Variants in PLPPR1 observed in about 807,000 individuals in gnomAD.
PLPPR1 encodes phospholipid phosphatase-related protein type 1.
PLPPR1 carries 10 observed loss-of-function variants against 33.1 expected under a neutral mutation model. The observed-to-expected ratio is 0.30, with a 90% CI of 0.19 to 0.51. The LOEUF (loss-of-function observed/expected upper bound fraction) is 0.51, where lower values mean the gene tolerates loss of function less well. Among genes scored for constraint, PLPPR1 ranks in the 20% least tolerant of loss-of-function variants. The probability of loss-of-function intolerance (pLI) is 0.97; values close to 1 mark genes in which losing one functional copy is unlikely to be tolerated. For missense variants in PLPPR1, 304 were observed against 408.1 expected (o/e 0.74, Z 2.20); for synonymous variants, 151 against 151.0 (o/e 1.00, Z 0.00).
chr9:101,119,881 C>A (rs755912878), intron 1 of PLPPR1, among the ~76,000 whole-genome samples: 3 of 152,200 alleles, frequency 2.0e-5, no homozygotes, highest in Non-Finnish European at 4.4e-5. Context: ...TCTGTCTCAT[C>A]TGTGGTTTCA....
intron 2 of PLPPR1, among the ~76,000 whole-genome samples, chr9:101,222,555 A>G (rs1826967522): frequency 6.6e-6 from 1 of 152,172 alleles, no homozygotes; most frequent in African/African-American, 2.4e-5. Context: ...GTTCTATGTA[A>G]GATTGTGTCT....
At chr9:101,292,464 A>G (rs1275329127) in intron 4 of PLPPR1, among the ~76,000 whole-genome samples, 1 of 152,234 alleles carries the variant, frequency 6.6e-6, no homozygotes, top group East Asian at 1.9e-4. Flanking sequence ...CTCCTCGAGA[A>G]GAGCAACTCC....
At chr9:101,176,418 C>G (rs944473294) in intron 1 of PLPPR1, among the ~76,000 whole-genome samples, 1 of 152,142 alleles carries the variant, frequency 6.6e-6, no homozygotes, top group South Asian at 2.1e-4. Flanking sequence ...CTCCAACAGG[C>G]AGTAATGAGG....
intron 1 of PLPPR1, among the ~76,000 whole-genome samples, chr9:101,111,047 G>A (rs537022224): frequency 1.3e-5 from 2 of 152,134 alleles, no homozygotes; most frequent in South Asian, 4.1e-4. Context: ...ATGTCATAAA[G>A]GAATATTAAT....
intron 1 of PLPPR1, among the ~76,000 whole-genome samples, chr9:101,101,405 C>G (rs771563579): frequency 1.3e-5 from 2 of 151,828 alleles, no homozygotes; most frequent in Non-Finnish European, 2.9e-5. Context: ...TGTCAATGCT[C>G]CTGAATCTTT....
intron 1 of PLPPR1, among the ~76,000 whole-genome samples, chr9:101,170,712 G>A (rs1184023623): frequency 6.6e-6 from 1 of 152,154 alleles, no homozygotes; most frequent in East Asian, 1.9e-4. Context: ...AAAGTGGGAG[G>A]ATCACTTGAG....
intron 2 of PLPPR1, among the ~76,000 whole-genome samples, chr9:101,186,171 C>T (rs1826199571): frequency 1.3e-5 from 2 of 151,752 alleles, no homozygotes; most frequent in Non-Finnish European, 2.9e-5. Context: ...TGTACTCTAC[C>T]TCTGTTTCTA....
intron 1 of PLPPR1, among the ~76,000 whole-genome samples, chr9:101,159,447 T>C (rs1436316322): frequency 6.6e-6 from 1 of 152,228 alleles, no homozygotes; most frequent in Non-Finnish European, 1.5e-5. Context: ...CTCTTAAATG[T>C]GTTAATCTAC....
chr9:101,131,924 G>GTGTC, intron 1 of PLPPR1, among the ~76,000 whole-genome samples: 1 of 152,200 alleles, frequency 6.6e-6, no homozygotes, highest in East Asian at 1.9e-4. Flanking sequence ...GATAATGATA[G>GTGTC]TGTCTGCCTC....
At chr9:101,090,484 G>A (rs1246289833) in intron 1 of PLPPR1, among the ~76,000 whole-genome samples, 1 of 152,154 alleles carries the variant, frequency 6.6e-6, no homozygotes, top group Non-Finnish European at 1.5e-5. Context: ...TTGAAATTGT[G>A]CATTTTCTTA....
chr9:101,148,879 G>A (rs1831551348), intron 1 of PLPPR1, among the ~76,000 whole-genome samples: 1 of 151,984 alleles, frequency 6.6e-6, no homozygotes, highest in South Asian at 2.1e-4. Context: ...CTGCTTGGAA[G>A]TCATTCTCCC....
At chr9:101,046,432 A>ATTTTTTT (rs1830146989) in intron 1 of PLPPR1, among the ~76,000 whole-genome samples, 2 of 113,492 alleles carry the variant, frequency 1.8e-5, no homozygotes, top group African/African-American at 7.0e-5. Context: ...TACCTCTTTT[A>ATTTTTTT]TTCTTTTTTT....
At position 101,286,180 on chromosome 9, in the gene PLPPR1, T is replaced by C; in HGVS notation, c.329T>C (p.Leu110Pro). 6.2e-7 allele frequency: 1 copy of C among 1,613,814 alleles called. No homozygotes were observed. Among genetic ancestry groups the C allele is most frequent in the Non-Finnish European group, 8.5e-7 (1 of 1,179,704 alleles). The change falls in exon 4 of 8, where the codon CTG becomes CCG. Residue 110 changes from leucine to proline, a missense_variant. Physicochemically the swap from Leu to Pro is moderately conservative, Grantham distance 98 (BLOSUM62 -3). Transcript: ENST00000374874. ...CTGATTGCTCAGGAGAAAACAATTC[T>C]GACCGGAGAATGCTGTTACCTGAAC... ...ESLIAQEKTI[L>P]TGECCYLNPL...
intron 6 of PLPPR1, 117 bp downstream of exon 6, chr9:101,313,091 A>G (rs1828988884): frequency 3.5e-6 from 3 of 858,214 alleles, no homozygotes; most frequent in Non-Finnish European, 3.7e-6. Context: ...TGTGAATTAC[A>G]ATTATTCTCC....
chr9:101,291,915 C>T (rs1828516929), intron 4 of PLPPR1, among the ~76,000 whole-genome samples: 1 of 152,156 alleles, frequency 6.6e-6, no homozygotes, highest in Non-Finnish European at 1.5e-5. Flanking sequence ...CAGCTCCTCA[C>T]CAGCAACAGA....
intron 2 of PLPPR1, among the ~76,000 whole-genome samples, chr9:101,208,423 C>T (rs1381513231): frequency 6.6e-6 from 1 of 152,200 alleles, no homozygotes; most frequent in Non-Finnish European, 1.5e-5. Context: ...TCTTTGTTAA[C>T]ATCCTAGGCT....
At chr9:101,321,290 T>C (rs954590038) in intron 7 of PLPPR1, among the ~76,000 whole-genome samples, 2 of 152,190 alleles carry the variant, frequency 1.3e-5, no homozygotes, top group African/African-American at 4.8e-5. Flanking sequence ...CAAGACATTC[T>C]TTCCCCTTTG....
chr9:101,075,055 A>G (rs945421905), intron 1 of PLPPR1, among the ~76,000 whole-genome samples: 20 of 152,220 alleles, frequency 1.3e-4, no homozygotes. Flanking sequence ...AATTAGTGCT[A>G]TAAAAATTAA....
At chr9:101,185,640 A>G (rs537461048) in intron 2 of PLPPR1, 83 bp downstream of exon 2, 2 of 833,888 alleles carry the variant, frequency 2.4e-6, no homozygotes, top group Admixed American at 5.3e-5. Flanking sequence ...ATTTTATAAA[A>G]TTAATTTTAT....
Sources: allele counts gnomAD v4.1 joint callset (sites outside exome capture counted in the v4.1 genomes callset), GRCh38; gene constraint gnomAD v4.1.1; transcripts MANE v1.5; gene names NCBI Gene and HGNC (gene_info 2026-07-23, HGNC 2026-07-21).